ANLN: variants seen among roughly 807,000 people sequenced by gnomAD.
ANLN encodes the protein anillin.
Under a neutral mutation model 135.1 loss-of-function variants are expected in ANLN, and 59 were observed. That is an observed-to-expected ratio of 0.44 (90% CI 0.35 to 0.54). The LOEUF (loss-of-function observed/expected upper bound fraction) is 0.54. Among genes scored for constraint, ANLN ranks in the 20% least tolerant of loss-of-function variants. The pLI, the probability that ANLN is intolerant of heterozygous loss-of-function variation, is 0.00. For missense variants in ANLN, 1,182 were observed against 1,340.0 expected (o/e 0.88, Z 1.84); for synonymous variants, 406 against 456.4 (o/e 0.89, Z 1.41).
intron 22 of ANLN, among the ~76,000 whole-genome samples, chr7:36,446,819 A>G (rs1789021174): frequency 6.6e-6 from 1 of 152,172 alleles, no homozygotes; most frequent in South Asian, 2.1e-4. Context: ...GTGTATCAAG[A>G]TGTCATTATA....
intron 23 of ANLN, 87 bp downstream of exon 23, chr7:36,449,924 T>A (rs1789176787): frequency 1.5e-6 from 2 of 1,336,534 alleles, no homozygotes; most frequent in East Asian, 4.8e-5. Flanking sequence ...TCACAGATGG[T>A]CCTTGACGTT....
chr7:36,393,166 G>A (rs1298983134), intron 1 of ANLN, among the ~76,000 whole-genome samples: 2 of 151,956 alleles, frequency 1.3e-5, no homozygotes, highest in East Asian at 3.9e-4. Context: ...TGGGACTACA[G>A]GCATGCACCA....
At chr7:36,426,178 T>C (rs1648926718) in intron 19 of ANLN, 142 bp downstream of exon 19, 2 of 665,290 alleles carry the variant, frequency 3.0e-6, no homozygotes, top group African/African-American at 3.8e-5. Flanking sequence ...GTGAGTTTCT[T>C]AGTAACAGGA....
intron 1 of ANLN, among the ~76,000 whole-genome samples, chr7:36,394,484 T>C (rs1786613671): frequency 6.6e-6 from 1 of 152,212 alleles, no homozygotes; most frequent in Admixed American, 6.5e-5. Flanking sequence ...ACAATATGCT[T>C]ATTCTTGAAT....
intron 7 of ANLN, among the ~76,000 whole-genome samples, chr7:36,411,779 ATTGAT>A (rs1258133099): frequency 5.3e-5 from 8 of 152,210 alleles, no homozygotes; most frequent in Non-Finnish European, 1.0e-4. Context: ...GATCTACTTG[ATTGAT>A]TTGTTTTTTA....
chr7:36,409,847 T>A (rs1038978773), intron 5 of ANLN, among the ~76,000 whole-genome samples: 13 of 152,076 alleles, frequency 8.5e-5, no homozygotes, highest in Admixed American at 5.2e-4. Flanking sequence ...AATTTTAGTA[T>A]TTTTTATAGA....
intron 22 of ANLN, among the ~76,000 whole-genome samples, chr7:36,447,585 C>T (rs376490274): frequency 1.7e-4 from 26 of 152,056 alleles, no homozygotes; most frequent in African/African-American, 3.9e-4. Flanking sequence ...CCACCATTCC[C>T]GGCTAATTTT....
chr7:36,414,828 C>T (rs1222349110), intron 7 of ANLN, among the ~76,000 whole-genome samples: 1 of 152,118 alleles, frequency 6.6e-6, no homozygotes, highest in East Asian at 1.9e-4. Flanking sequence ...ACAAGAGTAC[C>T]TGGGTTTGTA....
intron 2 of ANLN, among the ~76,000 whole-genome samples, chr7:36,396,860 C>T (rs1356508667): frequency 1.3e-5 from 2 of 152,134 alleles, no homozygotes; most frequent in African/African-American, 4.8e-5. Flanking sequence ...ACCCTTTTCA[C>T]TCTCTATTTG....
rs919431165 is a variant in ANLN at position 36,412,665 on chromosome 7, C to A, written c.1395+1499C>A. 1.6e-4 allele frequency among the ~76,000 whole-genome samples: 24 copies of A among 152,186 alleles called. No individual in the cohort carries two copies. In the South Asian group the frequency reaches 1.7e-3, roughly 11 times the overall value. ...TAAAAGACGCATATTCATGTATTCA[C>A]TTGCTTAAAATCTTGAAGTGCTCCT... On this transcript the variant is annotated intron_variant, in intron 7 of 23. Coordinates refer to ENST00000265748, the MANE Select transcript of ANLN (RefSeq NM_018685.5).
chr7:36,405,655 C>T (rs1345374544), intron 3 of ANLN, among the ~76,000 whole-genome samples: 2 of 152,112 alleles, frequency 1.3e-5, no homozygotes, highest in African/African-American at 2.4e-5. Context: ...TTGATCTAAC[C>T]CTATGCTATC....
At chr7:36,424,470 G>A in intron 15 of ANLN, 75 bp from the exon 16 acceptor site, 1 of 1,213,342 alleles carries the variant, frequency 8.2e-7, no homozygotes, top group South Asian at 1.4e-5. Flanking sequence ...TCTTGTAAGA[G>A]TATTTGTAGC....
chr7:36,393,031 C>T (rs972737019), intron 1 of ANLN, among the ~76,000 whole-genome samples: 1 of 145,902 alleles, frequency 6.9e-6, no homozygotes. Context: ...TTTCTTTTTT[C>T]GTTTTTTTTT....
chr7:36,424,624 A>C (rs1376497899), intron 16 of ANLN, 31 bp downstream of exon 16: 1 of 1,598,520 alleles, frequency 6.3e-7, no homozygotes, highest in Non-Finnish European at 8.5e-7. Context: ...AAAATAATGA[A>C]GAGTATATTT....
intron 20 of ANLN, among the ~76,000 whole-genome samples, chr7:36,429,383 G>A (rs559515909): frequency 9.2e-5 from 14 of 151,986 alleles, no homozygotes; most frequent in African/African-American, 3.4e-4. Flanking sequence ...ACCATGCCCA[G>A]ATAATTTTTG....
intron 21 of ANLN, among the ~76,000 whole-genome samples, chr7:36,440,016 A>G (rs1318278741): frequency 6.6e-6 from 1 of 152,234 alleles, no homozygotes; most frequent in African/African-American, 2.4e-5. Context: ...GGAGAATGAC[A>G]ACCCGAAGAA....
At position 36,399,173 on chromosome 7, in the gene ANLN, G is replaced by A. The variant is rs200531175; in HGVS notation, c.267G>A (p.Glu89=). The part of the protein sequence containing the change: ...VSNLENKQPV[E]STSAKSCSPS... Reference sequence around the variant, plus strand: ...ACTTGGAAAATAAACAACCAGTTGAGTCGACATCTGCAAAATCTTGTTCTC... The same window carrying A: ...ACTTGGAAAATAAACAACCAGTTGAATCGACATCTGCAAAATCTTGTTCTC... The change falls in exon 3 of 24, where the codon GAG becomes GAA. Residue 89 remains glutamate, a synonymous_variant. Transcript: ENST00000265748. 821 of 1,614,134 alleles carry A rather than the reference G, an allele frequency of 5.1e-4. 1 individual carries two copies. The highest frequency in any genetic ancestry group is 6.5e-4 in the Non-Finnish European group (764 of 1,180,018).
chr7:36,415,906 A>G (rs547084779), intron 8 of ANLN, 22 bp downstream of exon 8: 10 of 1,541,240 alleles, frequency 6.5e-6, no homozygotes, highest in Non-Finnish European at 7.0e-6. Context: ...CAGATTGTTC[A>G]TGGTTAGTAT....
At chr7:36,414,278 G>C (rs197370) in intron 7 of ANLN, among the ~76,000 whole-genome samples, 83,789 of 151,884 alleles carry the variant, frequency 0.55, 23,271 homozygotes, top group East Asian at 0.62. Flanking sequence ...GGCTAGAAGA[G>C]ATGAAGAAAA....
Sources: gnomAD v4.1 joint callset for allele counts (sites outside exome capture counted in the v4.1 genomes callset) on GRCh38, gnomAD v4.1.1 for gene constraint, MANE v1.5 for transcripts, NCBI Gene and HGNC (gene_info 2026-07-23, HGNC 2026-07-21) for gene names.